The following CROCC variants were observed in gnomAD, a reference collection of about 807,000 sequenced individuals.
The protein encoded by CROCC is rootletin.
In CROCC, 180 loss-of-function variants were observed where a neutral mutation model predicts 245.2. That is an observed-to-expected ratio of 0.73 (90% CI 0.65 to 0.83). The LOEUF (loss-of-function observed/expected upper bound fraction) is 0.83. CROCC is among the 40% of genes least tolerant of loss of function. The probability of loss-of-function intolerance (pLI) is 0.00; values close to 1 mark genes in which losing one functional copy is unlikely to be tolerated. For missense variants in CROCC, 2,688 were observed against 2,779.4 expected, an observed-to-expected ratio of 0.97 and a Z score of 0.74; for synonymous variants, 1,205 against 1,241.6, an observed-to-expected ratio of 0.97 and a Z score of 0.62.
At chr1:16,932,842 G>A (rs1296771002) in intron 8 of CROCC, among the ~76,000 whole-genome samples, 45 of 152,268 alleles carry the variant, frequency 3.0e-4, no homozygotes, top group Admixed American at 6.5e-4. Context: ...CATTTAGTGC[G>A]TTAAAAACAT....
chr1:16,960,590 C>G (rs772409408), intron 26 of CROCC, among the ~76,000 whole-genome samples, 168 bp from the exon 27 acceptor site: 1 of 152,210 alleles, frequency 6.6e-6, no homozygotes, highest in Non-Finnish European at 1.5e-5. Context: ...TCTAGTATTT[C>G]CTCCCACGGG....
chr1:16,947,490 A>AATAATAATT (rs1553157041), intron 17 of CROCC, among the ~76,000 whole-genome samples: 26 of 151,192 alleles, frequency 1.7e-4, no homozygotes, highest in African/African-American at 6.3e-4. Flanking sequence ...TAATAATAAT[A>AATAATAATT]ATAATAATAA....
rs768251458 is a variant in CROCC, at chr1:16,972,469, C to T, written c.*23C>T. 2 of 1,585,068 alleles carry T rather than the reference C, an allele frequency of 1.3e-6. No individual in the cohort carries two copies. The highest frequency in any genetic ancestry group is 1.7e-6 in the Non-Finnish European group (2 of 1,156,482). ...TGAGCTCCTGCTGGCATCTGGAGAA[C>T]ACCCCTGTGCCTGGGACAGGGGAGG... On this transcript the variant is annotated 3_prime_UTR_variant, in exon 37 of 37. Coordinates refer to ENST00000375541, the MANE Select transcript of CROCC (RefSeq NM_014675.5).
chr1:16,969,687 C>A (rs2076480636), intron 32 of CROCC, 98 bp from the exon 33 acceptor site: 1 of 1,487,160 alleles, frequency 6.7e-7, no homozygotes, highest in African/African-American at 1.4e-5. Flanking sequence ...GAGATGACTG[C>A]CTGTTTTATG....
At chr1:16,961,189 G>A in intron 27 of CROCC, 59 bp downstream of exon 27, 4 of 1,251,784 alleles carry the variant, frequency 3.2e-6, no homozygotes, top group Non-Finnish European at 4.0e-6. Context: ...CTGAGGCCCC[G>A]CCCCCACATG....
rs370892836 is a variant in CROCC at position 16,961,117 on chromosome 1, C to G, written c.4392C>G (p.Asp1464Glu). 3,423 of 1,352,852 alleles carry G rather than the reference C, an allele frequency of 2.5e-3. 125 individuals are homozygous for G. The South Asian group carries it at 0.054, about 21-fold the overall frequency. The allele number at this position is 1,352,852 out of a possible 1,614,324, so 83.8% of individuals were successfully genotyped here. ...CAGTGCCCGGTTCCCCTGCCCGGGACGCACCCGCAGAAGGTAAGGGCAGTG... is the reference window on the plus strand; with the variant it reads ...CAGTGCCCGGTTCCCCTGCCCGGGAGGCACCCGCAGAAGGTAAGGGCAGTG... Reference protein sequence around the residue: ...PRPVPGSPARDAPAEGSGEGL... With the variant: ...PRPVPGSPAREAPAEGSGEGL... Residue 1464 changes from aspartate to glutamate, a missense_variant, in exon 27 of 37, where the codon GAC becomes GAG. Transcript: ENST00000375541.
rs968759866 is a variant in CROCC at position 16,972,517 on chromosome 1, C to CCCG, written c.*72_*73insCGC. 246 of 1,014,160 alleles carry CCCG rather than the reference C, an allele frequency of 2.4e-4. No homozygotes were observed. The African/African-American group carries it at 3.9e-3, about 16-fold the overall frequency. 62.8% of individuals were successfully genotyped at this position (1,014,160 alleles called of 1,614,324 possible). ...AGGACCCTTCTTTTGGACAGCCCCCCCACCCAGAGCCCGGTCCCTTGGGGG... is the reference window on the plus strand; with the variant it reads ...AGGACCCTTCTTTTGGACAGCCCCCCCCGCACCCAGAGCCCGGTCCCTTGGGGG... On this transcript the variant is annotated 3_prime_UTR_variant, in exon 37 of 37. Coordinates refer to ENST00000375541, the MANE Select transcript of CROCC (RefSeq NM_014675.5).
intron 35 of CROCC, 48 bp from the exon 36 acceptor site, chr1:16,971,417 C>A: frequency 6.7e-7 from 1 of 1,491,830 alleles, no homozygotes; most frequent in Non-Finnish European, 8.9e-7. Flanking sequence ...CACATGCACA[C>A]ACACACTCAC....
chr1:16,970,755 C>A lies in CROCC; in HGVS notation c.5772C>A (p.Ile1924=). ...ELELAEAQRQ[I]QQLEAQVVVL... The stretch of plus-strand genomic sequence containing the variant: ...AGCTGGCAGAGGCGCAGAGGCAGAT[C>A]CAGCAGCTGGAGGTCTGACCCCACC... Residue 1924 remains isoleucine, a synonymous_variant, in exon 35 of 37, where the codon ATC becomes ATA. Transcript: ENST00000375541. 1 of 1,590,768 alleles carries A rather than the reference C, an allele frequency of 6.3e-7. No homozygotes were observed.
rs746947951 is a variant in CROCC, at chr1:16,972,472, C to CCCTGTG, written c.*31_*36dup. The stretch of plus-strand genomic sequence containing the variant: ...GCTCCTGCTGGCATCTGGAGAACAC[C>CCCTGTG]CCTGTGCCTGGGACAGGGGAGGACC... On this transcript the variant is annotated 3_prime_UTR_variant, in exon 37 of 37. Transcript: ENST00000375541. 6.3e-7 allele frequency: 1 copy of CCCTGTG among 1,585,674 alleles called. No homozygotes were observed. The highest frequency in any genetic ancestry group is 2.3e-5 in the East Asian group (1 of 44,346).
chr1:16,944,260 G>C lies in CROCC; in HGVS notation c.1969G>C (p.Val657Leu), dbSNP rs768725702. The change falls in exon 14 of 37, where the codon GTG (valine) becomes CTG (leucine). Residue 657 changes from valine to leucine, a missense_variant. Transcript: ENST00000375541. ...GGACGCAGTGCAGGATGGCGCGCGG[G>C]TGCGCCGGGAGCTTGAGCGCAGGTG... ...QEDAVQDGARVRRELERSHRQ... is the reference protein window; with the variant it reads ...QEDAVQDGARLRRELERSHRQ... The C allele has an allele frequency of 1.3e-6, 2 of 1,545,022 alleles. No individual in the cohort carries two copies. The highest frequency in any genetic ancestry group is 1.7e-6 in the Non-Finnish European group (2 of 1,144,004).
intron 27 of CROCC, among the ~76,000 whole-genome samples, chr1:16,964,572 A>G (rs942249239): frequency 1.3e-5 from 2 of 151,870 alleles, no homozygotes; most frequent in African/African-American, 4.8e-5. Context: ...TTTAGTAGAG[A>G]CGGGTTTTCA....
intron 8 of CROCC, 93 bp from the exon 9 acceptor site, chr1:16,936,544 T>A: frequency 7.8e-7 from 1 of 1,290,198 alleles, no homozygotes; most frequent in Non-Finnish European, 1.1e-6. Flanking sequence ...GCTGGGATTA[T>A]AGGTGTGAGC....
chr1:16,933,175 TCA>T (rs1286414548), intron 8 of CROCC, among the ~76,000 whole-genome samples: 3 of 152,280 alleles, frequency 2.0e-5, no homozygotes, highest in Non-Finnish European at 2.9e-5. Context: ...CTCATAAATG[TCA>T]CAGATAGACC....
chr1:16,955,301 TG>T lies in CROCC; in HGVS notation c.3466-10del. 6.2e-7 allele frequency: 1 copy of T among 1,605,776 alleles called. No homozygotes were observed. The highest frequency in any genetic ancestry group is 8.5e-7 in the Non-Finnish European group (1 of 1,179,020). ...TGACCGCTGCCCTGGGGACACCTGC[TG>T]TGCTCACAGGCAGAAGAGCTTCGGA... On this transcript the variant is annotated splice_polypyrimidine_tract_variant and intron_variant, in intron 23 of 36. Transcript: ENST00000375541.
At chr1:16,947,984 G>A (rs1171162608) in intron 17 of CROCC, among the ~76,000 whole-genome samples, 53 of 152,168 alleles carry the variant, frequency 3.5e-4, no homozygotes, top group African/African-American at 1.2e-3. Context: ...GACTACAGGC[G>A]TGCACCACCA....
Position 16,936,851 on chromosome 1 carries a change from G to C in CROCC, c.1171G>C (p.Asp391His). The change falls in exon 9 of 37, where the codon GAC (aspartate) becomes CAC (histidine). Residue 391 changes from aspartate to histidine, a missense_variant. Around this residue, in one of 9 missense-constraint regions of CROCC, gnomAD observed 972 missense variants for 895.3 expected, o/e 1.09. Transcript: ENST00000375541. ...LAQQQMQSDL[D>H]KADLSARVTE... ...GCAGCAGCAGATGCAAAGCGACCTG[G>C]ACAAGGCTGACCTCAGTGCCAGGTG... The C allele has an allele frequency of 1.9e-6, 3 of 1,611,822 alleles. No homozygotes were observed. Among genetic ancestry groups the C allele is most frequent in the South Asian group, 1.1e-5 (1 of 90,902 alleles).
In CROCC at chr1:16,972,511, G is replaced by GCCCCC. The variant is rs36118977; in HGVS notation, c.*68_*72dup. ...CAGGGGAGGACCCTTCTTTTGGACAGCCCCCCCACCCAGAGCCCGGTCCCT... is the reference window on the plus strand; with the variant it reads ...CAGGGGAGGACCCTTCTTTTGGACAGCCCCCCCCCCCCACCCAGAGCCCGGTCCCT... On this transcript the variant is annotated 3_prime_UTR_variant, in exon 37 of 37. Transcript: ENST00000375541. 56 of 820,270 alleles carry GCCCCC rather than the reference G, an allele frequency of 6.8e-5. No homozygotes were observed. In the African/African-American group the frequency reaches 9.5e-4, roughly 14 times the overall value. 50.8% of individuals were successfully genotyped at this position (820,270 alleles called of 1,614,324 possible).
chr1:16,969,376 TGA>T (rs759194871), intron 32 of CROCC, 36 bp downstream of exon 32: 3 of 1,574,870 alleles, frequency 1.9e-6, no homozygotes, highest in Non-Finnish European at 2.6e-6. Flanking sequence ...GTGGGCCCAG[TGA>T]GAGAGTCAGC....
Sources: gnomAD v4.1 joint callset for allele counts (sites outside exome capture counted in the v4.1 genomes callset) on GRCh38, gnomAD v4.1.1 for gene constraint, gnomAD v4.1.1 regional missense constraint, MANE v1.5 for transcripts, NCBI Gene and HGNC (gene_info 2026-07-23, HGNC 2026-07-21) for gene names.